The following SNAPC4 variants were observed in gnomAD, a reference collection of about 807,000 sequenced individuals.
SNAPC4 encodes small nuclear RNA activating complex polypeptide 4, also known as snRNA-activating protein complex subunit 4.
SNAPC4 carries 127 observed loss-of-function variants against 151.3 expected under a neutral mutation model. That is an observed-to-expected ratio of 0.84 (90% CI 0.73 to 0.97). The LOEUF is 0.97. SNAPC4 is among the 50% of genes least tolerant of loss of function. The pLI, the probability that SNAPC4 is intolerant of heterozygous loss-of-function variation, is 0.00. For synonymous variants in SNAPC4, 1,002 were observed against 824.4 expected, an observed-to-expected ratio of 1.22 and a Z score of -3.69; for missense variants, 2,186 against 1,935.0, an observed-to-expected ratio of 1.13 and a Z score of -2.43.
At chr9:136,382,377 C>A in intron 16 of SNAPC4, 41 bp from the exon 17 acceptor site, 2 of 1,558,170 alleles carry the variant, frequency 1.3e-6, no homozygotes, top group Non-Finnish European at 1.8e-6. Flanking sequence ...GCGGGGTGTA[C>A]GGGACACATG....
At chr9:136,391,912 T>C (rs754502544) in intron 10 of SNAPC4, 30 bp downstream of exon 10, 3 of 1,593,176 alleles carry the variant, frequency 1.9e-6, no homozygotes, top group South Asian at 1.1e-5. Context: ...TCAGGTCTCC[T>C]GGCCCCTGGG....
intron 13 of SNAPC4, among the ~76,000 whole-genome samples, chr9:136,387,015 GATTAC>G (rs1252207888): frequency 6.6e-6 from 1 of 152,232 alleles, no homozygotes; most frequent in Non-Finnish European, 1.5e-5. Context: ...AAAGTACTGG[GATTAC>G]AGGCGTGAGC....
intron 1 of SNAPC4, among the ~76,000 whole-genome samples, chr9:136,398,962 GGGAA>G (rs1834362903): frequency 6.6e-6 from 1 of 152,236 alleles, no homozygotes; most frequent in South Asian, 2.1e-4. Flanking sequence ...CAGCATGGTT[GGGAA>G]GGAAGCTCCC....
rs375358920 is a variant in SNAPC4, at chr9:136,388,468, C to T, written c.1099G>A (p.Gly367Ser). The T allele has an allele frequency of 1.5e-5, 24 of 1,613,290 alleles. No homozygotes were observed. Among genetic ancestry groups the T allele is most frequent in the Non-Finnish European group, 1.7e-5 (20 of 1,179,816 alleles). Residue 367 changes from glycine to serine, a missense_variant, in exon 11 of 24, where the codon GGC (glycine) becomes AGC (serine). By Grantham distance (56) the Gly-to-Ser change is moderately conservative (BLOSUM62 0). Transcript: ENST00000684778. ...CTTCTGCGGTAGGGGATGTGGCTGC[C>T]GACGCGCATCTCCTGCACCAGCTGC... ...LTQLVQEMRV[G>S]SHIPYRRIVY...
At chr9:136,389,404 C>A (rs1015912046) in intron 10 of SNAPC4, among the ~76,000 whole-genome samples, 13 of 152,166 alleles carry the variant, frequency 8.5e-5, no homozygotes, top group Non-Finnish European at 1.3e-4. Flanking sequence ...TGCTGGGTGG[C>A]AGAGGGCACG....
chr9:136,385,843 C>T (rs1262562849), intron 13 of SNAPC4, among the ~76,000 whole-genome samples: 1 of 152,062 alleles, frequency 6.6e-6, no homozygotes, highest in Non-Finnish European at 1.5e-5. Context: ...CGTGAGCCAC[C>T]GAGCCCTGCC....
intron 4 of SNAPC4, 34 bp downstream of exon 4, chr9:136,395,569 G>A (rs1423103235): frequency 1.3e-6 from 2 of 1,590,670 alleles, no homozygotes; most frequent in Non-Finnish European, 1.7e-6. Context: ...GGGGTGGGGA[G>A]GTGTGGGCAC....
Position 136,395,492 on chromosome 9 carries a change from C to T in SNAPC4, c.346-69G>A, listed in dbSNP as rs559222280. 16 of 1,572,432 alleles carry T rather than the reference C, an allele frequency of 1.0e-5. No homozygotes were observed. In the South Asian group the frequency reaches 1.0e-4, roughly 10 times the overall value. On this transcript the variant is annotated intron_variant, in intron 4 of 23. Transcript: ENST00000684778. ...AATGACTCTCCCTGCGGAGGAGACCCGGGGCAGAGGAGAGGCAGGGAGCTG... is the reference window on the plus strand; with the variant it reads ...AATGACTCTCCCTGCGGAGGAGACCTGGGGCAGAGGAGAGGCAGGGAGCTG...
Position 136,387,797 on chromosome 9 carries a change from GTCCA to G in SNAPC4, c.1171_1174del (p.Trp391ProfsTer8), listed in dbSNP as rs1833940223. On this transcript the variant is annotated frameshift_variant, in exon 12 of 24. Transcript: ENST00000684778. LOFTEE classifies it high-confidence loss of function. ...CTTCAGACCAGGATCCAAGCTCTTG[GTCCA>G]TCGGTAGATCAGCTGCATGGAGTCT... 1 of 1,612,992 alleles carries G rather than the reference GTCCA, an allele frequency of 6.2e-7. No homozygotes were observed. Among genetic ancestry groups the G allele is most frequent in the Non-Finnish European group, 8.5e-7 (1 of 1,179,180 alleles).
In SNAPC4 at chr9:136,395,760, C is replaced by G. The variant is rs371470656; in HGVS notation, c.188G>C (p.Arg63Thr). ...CTCGTCATTGCTGGCTTCGCCCCAC[C>G]TTTCTTCTTCCTGGTAACGAGCCAG... ...PADPPISEEERWGEASNDEDD... is the reference protein window; with the variant it reads ...PADPPISEEETWGEASNDEDD... The change falls in exon 4 of 24, where the codon AGG becomes ACG. Residue 63 changes from arginine to threonine, a missense_variant. Transcript: ENST00000684778. 14 of 1,610,790 alleles carry G rather than the reference C, an allele frequency of 8.7e-6. No homozygotes were observed. Among genetic ancestry groups the G allele is most frequent in the Non-Finnish European group, 1.2e-5 (14 of 1,177,946 alleles).
At chr9:136,399,111 G>C (rs1320706952) in intron 1 of SNAPC4, among the ~76,000 whole-genome samples, 2 of 152,220 alleles carry the variant, frequency 1.3e-5, no homozygotes, top group Non-Finnish European at 2.9e-5. Flanking sequence ...AAGGACGCTA[G>C]AGAGAGAGTG....
rs767835205 is a variant in SNAPC4, at chr9:136,379,151, A to T, written c.2676T>A (p.Thr892=). The change falls in exon 22 of 24, where the codon ACT becomes ACA. Residue 892 remains threonine (T), a synonymous_variant. Coordinates refer to ENST00000684778, the MANE Select transcript of SNAPC4 (RefSeq NM_003086.4). ...GCTTCTCCTGAAGCAGCTCCGACACAGTCTTGGGCTTGGGCCGGGGGCCGG... is the reference window on the plus strand; with the variant it reads ...GCTTCTCCTGAAGCAGCTCCGACACTGTCTTGGGCTTGGGCCGGGGGCCGG... ...ASTGPRPKPK[T]VSELLQEKRL... 6.3e-7 allele frequency: 1 copy of T among 1,582,510 alleles called. No homozygotes were observed. The highest frequency in any genetic ancestry group is 2.3e-5 in the East Asian group (1 of 43,926).
chr9:136,392,707 C>A lies in SNAPC4; in HGVS notation c.703G>T (p.Gly235Cys). The A allele has an allele frequency of 6.2e-7, 1 of 1,613,782 alleles. No homozygotes were observed. Among genetic ancestry groups the A allele is most frequent in the Non-Finnish European group, 8.5e-7 (1 of 1,180,028 alleles). The change falls in exon 8 of 24, where the codon GGC (glycine) becomes TGC (cysteine). Residue 235 changes from glycine to cysteine, a missense_variant. Gly to Cys is a radical substitution (Grantham distance 159, BLOSUM62 -3). Coordinates refer to ENST00000684778, the MANE Select transcript of SNAPC4 (RefSeq NM_003086.4). The stretch of plus-strand genomic sequence containing the variant: ...TGGATCTCCTTCTCGGCTTCCCTGC[C>A]CTGCTTCTCCAGGGCTTGCCTCTCC... ...ELERQALEKQ[G>C]REAEKEIQDI...
At chr9:136,389,204 C>G (rs1833988952) in intron 10 of SNAPC4, among the ~76,000 whole-genome samples, 1 of 152,220 alleles carries the variant, frequency 6.6e-6, no homozygotes, top group Admixed American at 6.5e-5. Flanking sequence ...CACTCATCTT[C>G]TCAAGGGGTT....
chr9:136,382,332 C>T lies in SNAPC4; in HGVS notation c.1988G>A (p.Gly663Glu). The T allele has an allele frequency of 6.2e-7, 1 of 1,613,048 alleles. No homozygotes were observed. The highest frequency in any genetic ancestry group is 1.1e-5 in the South Asian group (1 of 91,082). ...AGAEKQALEGGRRLLTVPVET... is the reference protein window; with the variant it reads ...AGAEKQALEGERRLLTVPVET... ...CACAGGCACTGTCAGCAGACGCCTC[C>T]CACCCTGATGAGAAAGCTGCCTGAG... The change falls in exon 17 of 24, where the codon GGG (glycine) becomes GAG (glutamate). Residue 663 changes from glycine (G) to glutamate (E), a missense_variant. Physicochemically the swap from Gly to Glu is moderately conservative, Grantham distance 98 (BLOSUM62 -2). Transcript: ENST00000684778.
chr9:136,399,269 G>A (rs1419473206), intron 1 of SNAPC4, among the ~76,000 whole-genome samples: 1 of 152,206 alleles, frequency 6.6e-6, no homozygotes. Context: ...TGCCCAACTG[G>A]AACAAAACCA....
intron 22 of SNAPC4, 31 bp downstream of exon 22, chr9:136,377,512 A>G (rs1158214798): frequency 1.3e-6 from 2 of 1,498,634 alleles, no homozygotes; most frequent in Non-Finnish European, 8.9e-7. Flanking sequence ...GCCGCCTGCC[A>G]TGGGGAAGTG....
rs762041590 is a variant in SNAPC4, at chr9:136,388,460, G to A, written c.1107C>T (p.His369=). The A allele has an allele frequency of 1.7e-5, 27 of 1,613,002 alleles. No homozygotes were observed. In the East Asian group the frequency reaches 4.2e-4, roughly 25 times the overall value. Residue 369 remains histidine (H), a synonymous_variant, in exon 11 of 24, where the codon CAC becomes CAT. Coordinates refer to ENST00000684778, the MANE Select transcript of SNAPC4 (RefSeq NM_003086.4). The part of the protein sequence containing the change: ...QLVQEMRVGS[H]IPYRRIVYYM... ...GGGCCTCACTTCTGCGGTAGGGGAT[G>A]TGGCTGCCGACGCGCATCTCCTGCA...
At chr9:136,385,317 A>C (rs1833853614) in intron 13 of SNAPC4, among the ~76,000 whole-genome samples, 1 of 152,220 alleles carries the variant, frequency 6.6e-6, no homozygotes, top group Non-Finnish European at 1.5e-5. Flanking sequence ...CGGAGCCCTC[A>C]TACATTCCTA....
Sources: allele counts gnomAD v4.1 joint callset (sites outside exome capture counted in the v4.1 genomes callset), GRCh38; gene constraint gnomAD v4.1.1; transcripts MANE v1.5; gene names NCBI Gene and HGNC (gene_info 2026-07-23, HGNC 2026-07-21).